Variants in PGAP2 observed in about 807,000 individuals in gnomAD.
PGAP2 encodes post-GPI attachment to proteins 2, also known as acyltransferase PGAP2.
In PGAP2, 21 loss-of-function variants were observed where a neutral mutation model predicts 33.2. The ratio of observed to expected loss-of-function variants is 0.63; its 90% CI spans 0.45 to 0.91. PGAP2 has a LOEUF of 0.91. PGAP2 is among the 40% of genes least tolerant of loss of function. The pLI, the probability that PGAP2 is intolerant of heterozygous loss-of-function variation, is 0.00. For missense variants in PGAP2, 345 were observed against 424.0 expected (o/e 0.81, Z 1.64); for synonymous variants, 161 against 172.9 (o/e 0.93, Z 0.54).
chr11:3,811,413 A>C lies in PGAP2; in HGVS notation c.154A>C (p.Thr52Pro). 1 of 1,613,874 alleles carries C rather than the reference A, an allele frequency of 6.2e-7. No individual in the cohort carries two copies. Among genetic ancestry groups the C allele is most frequent in the South Asian group, 1.1e-5 (1 of 91,064 alleles). ...CTTCCACTTCAAGGAGACAACGGCC[A>C]CACACTGTGGGGTAGGGCATGGGGA... ...LLFHFKETTA[T>P]HCGATPCRMF... Residue 52 changes from threonine to proline, a missense_variant, in exon 2 of 7, where the codon ACA becomes CCA. Thr to Pro is a conservative substitution (Grantham distance 38). This residue lies in a region of PGAP2 where 34 missense variants were observed against 70.3 expected (regional missense o/e 0.48). Coordinates refer to ENST00000278243, the MANE Select transcript of PGAP2 (RefSeq NM_014489.4). This position sits in a 1 kb window ranked among gnomAD's most constrained non-coding sequence, Gnocchi z 4.6.
chr11:3,800,964 C>G (rs2083358866), intron 1 of PGAP2, among the ~76,000 whole-genome samples: 1 of 150,230 alleles, frequency 6.7e-6, no homozygotes. Context: ...GAAACCCTGT[C>G]TCTACTAAAT....
At chr11:3,824,803 G>A (rs2089707480) in intron 5 of PGAP2, 7 of 1,432,224 alleles carry the variant, frequency 4.9e-6, no homozygotes, top group Middle Eastern at 2.6e-4. Flanking sequence ...AAGTGGAAGC[G>A]GCAGGAATAC....
chr11:3,822,098 C>G (rs1434090254), intron 3 of PGAP2, among the ~76,000 whole-genome samples: 1 of 151,986 alleles, frequency 6.6e-6, no homozygotes, highest in South Asian at 2.1e-4. Flanking sequence ...GGCGCAGTGG[C>G]TCACGTCTGT....
At chr11:3,801,409 G>A (rs947122221) in intron 1 of PGAP2, among the ~76,000 whole-genome samples, 5 of 152,012 alleles carry the variant, frequency 3.3e-5, no homozygotes, top group African/African-American at 9.7e-5. Flanking sequence ...TTGGGAGGCC[G>A]AGGCGGGCGG....
At chr11:3,798,980 T>C (rs2083050433) in intron 1 of PGAP2, among the ~76,000 whole-genome samples, 2 of 152,230 alleles carry the variant, frequency 1.3e-5, no homozygotes, top group African/African-American at 4.8e-5. Context: ...GTATTTCAAA[T>C]GTTCCCATCT....
chr11:3,825,496 C>A lies in PGAP2; in HGVS notation c.*38C>A. On this transcript the variant is annotated 3_prime_UTR_variant, in exon 7 of 7. Coordinates refer to ENST00000278243, the MANE Select transcript of PGAP2 (RefSeq NM_014489.4). ...TGCTTGGGAGGACGCAGCCCACTGC[C>A]CAGAAACAAGAAACACGATACCATT... The A allele has an allele frequency of 6.3e-7, 1 of 1,599,720 alleles. No homozygotes were observed. Among genetic ancestry groups the A allele is most frequent in the South Asian group, 1.1e-5 (1 of 89,400 alleles).
chr11:3,813,438 C>T (rs1341866491), intron 2 of PGAP2, among the ~76,000 whole-genome samples: 4 of 151,542 alleles, frequency 2.6e-5, no homozygotes, highest in African/African-American at 9.7e-5. Flanking sequence ...GGCTGGAGTG[C>T]AGTGGCATGA....
chr11:3,808,305 G>A, upstream of PGAP2: 1 of 1,551,522 alleles, frequency 6.4e-7, no homozygotes, highest in Non-Finnish European at 8.7e-7. Flanking sequence ...TAGATGGAAC[G>A]CAGCTGAGAG....
chr11:3,813,029 G>A lies in PGAP2; in HGVS notation c.165+1605G>A, dbSNP rs116944823. Among the ~76,000 whole-genome samples the A allele has an allele frequency of 9.3e-4, 141 of 152,174 alleles. 3 individuals are homozygous for A. In the East Asian group the frequency reaches 0.023, roughly 25 times the overall value. ...TACGCTAGCCACTCCTGATCATCCC[G>A]CAAAACCCTGCCCCGCTAGCTCTAA... On this transcript the variant is annotated intron_variant, in intron 2 of 6. Coordinates refer to ENST00000278243, the MANE Select transcript of PGAP2 (RefSeq NM_014489.4).
chr11:3,799,529 A>T (rs906540972), intron 1 of PGAP2, among the ~76,000 whole-genome samples: 28 of 152,314 alleles, frequency 1.8e-4, no homozygotes, highest in African/African-American at 6.0e-4. Context: ...CTCAAAAAAA[A>T]TTTTTAAAAA....
chr11:3,797,889 A>G (rs1185684524), exon 1 of PGAP2: 7 of 1,549,354 alleles, frequency 4.5e-6, no homozygotes, highest in South Asian at 1.2e-5. Flanking sequence ...AAGGGTGGTG[A>G]CGCAACATAG....
intron 1 of PGAP2, among the ~76,000 whole-genome samples, chr11:3,810,889 G>A (rs866365449): frequency 6.6e-6 from 1 of 152,202 alleles, no homozygotes; most frequent in Non-Finnish European, 1.5e-5. Context: ...CCACTGGTAG[G>A]TTTTAGGGTT....
At chr11:3,816,809 G>A (rs1161375470) in intron 2 of PGAP2, among the ~76,000 whole-genome samples, 2 of 152,184 alleles carry the variant, frequency 1.3e-5, no homozygotes, top group Non-Finnish European at 2.9e-5. Context: ...CAGGAATGTG[G>A]TCAGACAGGG....
intron 2 of PGAP2, 30 bp from the exon 3 acceptor site, chr11:3,817,323 G>A (rs1199796734): frequency 2.5e-6 from 4 of 1,581,426 alleles, no homozygotes; most frequent in Non-Finnish European, 3.4e-6. Flanking sequence ...GTCCTACCAG[G>A]CCCCAAGTTG....
rs139231407 is a variant in PGAP2 at position 3,815,176 on chromosome 11, T to C, written c.166-2177T>C. The stretch of plus-strand genomic sequence containing the variant: ...CTGAAGCTTTTACTTATAGTGAGTA[T>C]GTACTTACTTTCCGGTGAGTCTCTG... On this transcript the variant is annotated intron_variant, in intron 2 of 6. Coordinates refer to ENST00000278243, the MANE Select transcript of PGAP2 (RefSeq NM_014489.4). Among the ~76,000 whole-genome samples, 559 of 152,252 alleles carry C rather than the reference T, an allele frequency of 3.7e-3. 3 individuals are homozygous for C. The highest frequency in any genetic ancestry group is 0.013 in the African/African-American group (532 of 41,546).
chr11:3,825,240 C>G (rs1238162544), intron 6 of PGAP2, 88 bp from the exon 7 acceptor site: 5 of 1,554,420 alleles, frequency 3.2e-6, no homozygotes, highest in Admixed American at 1.7e-5. Context: ...TTCTCTGTGG[C>G]AGACCAATGG....
At chr11:3,798,508 A>T (rs1590040948) in intron 1 of PGAP2, among the ~76,000 whole-genome samples, 1 of 150,560 alleles carries the variant, frequency 6.6e-6, no homozygotes, top group Non-Finnish European at 1.5e-5. Context: ...TTTTGTATTT[A>T]TAGTAGAGAC....
rs1414035588 is a variant in PGAP2 at position 3,825,536 on chromosome 11, CCCACAT to C, written c.*81_*86del. 1.4e-6 allele frequency: 2 copies of C among 1,438,254 alleles called. No homozygotes were observed. The highest frequency in any genetic ancestry group is 1.9e-6 in the Non-Finnish European group (2 of 1,049,592). The allele number at this position is 1,438,254 out of a possible 1,614,324, so 89.1% of individuals were successfully genotyped here. A position where few individuals can be genotyped will look rare whatever the true frequency, so the allele number is the denominator to read the frequency against. On this transcript the variant is annotated 3_prime_UTR_variant, in exon 7 of 7. Coordinates refer to ENST00000278243, the MANE Select transcript of PGAP2 (RefSeq NM_014489.4). ...ACGATACCATTCTGGCCTTCCCCAC[CCCACAT>C]CCTCTCTTGGCCTTACTGAAGATGG...
chr11:3,811,655 AC>A lies in PGAP2; in HGVS notation c.165+232del, dbSNP rs1459511928. Among the ~76,000 whole-genome samples the A allele has an allele frequency of 6.6e-6, 1 of 152,118 alleles. No homozygotes were observed. The highest frequency in any genetic ancestry group is 2.4e-5 in the African/African-American group (1 of 41,412). On this transcript the variant is annotated intron_variant, in intron 2 of 6. Transcript: ENST00000278243. The surrounding 1 kb of genome is among the most constrained non-coding windows in gnomAD (Gnocchi z 4.6). ...GTAATATAGAGTCAGTAAATGAATTACAAGTATAACAGAGTTTGACACATGT... is the reference window on the plus strand; with the variant it reads ...GTAATATAGAGTCAGTAAATGAATTAAAGTATAACAGAGTTTGACACATGT...
Sources: gnomAD v4.1 joint callset for allele counts (sites outside exome capture counted in the v4.1 genomes callset) on GRCh38, gnomAD v4.1.1 for gene constraint, gnomAD v4.1.1 regional missense constraint, Gnocchi (gnomAD v3.1) non-coding constraint, MANE v1.5 for transcripts, NCBI Gene and HGNC (gene_info 2026-07-23, HGNC 2026-07-21) for gene names.